TPTE: variants seen among roughly 807,000 people sequenced by gnomAD.
TPTE encodes transmembrane phosphatase with tensin homology.
A neutral mutation model predicts 84.1 loss-of-function variants in TPTE; 59 were observed. That is an observed-to-expected ratio of 0.70 (90% CI 0.57 to 0.87). The LOEUF is 0.87. Among genes scored for constraint, TPTE ranks in the 40% least tolerant of loss-of-function variants. The pLI, the probability that TPTE is intolerant of heterozygous loss-of-function variation, is 0.00. For missense variants in TPTE, 382 were observed against 659.6 expected, an observed-to-expected ratio of 0.58 and a Z score of 4.61; for synonymous variants, 130 against 223.5, an observed-to-expected ratio of 0.58 and a Z score of 3.73.
chr21:10,576,114 A>T (rs1453348185), intron 14 of TPTE, among the ~76,000 whole-genome samples: 7 of 152,412 alleles, frequency 4.6e-5, no homozygotes, highest in African/African-American at 1.7e-4. Flanking sequence ...TCTTATAAAA[A>T]TACATGCATG....
At chr21:10,572,840 A>T (rs1398423989) in intron 14 of TPTE, among the ~76,000 whole-genome samples, 1 of 152,304 alleles carries the variant, frequency 6.6e-6, no homozygotes, top group Admixed American at 6.5e-5. Flanking sequence ...AGATATACAC[A>T]TGAGAAAGAG....
At chr21:10,536,334 C>T (rs1202137718) in intron 3 of TPTE, among the ~76,000 whole-genome samples, 1 of 152,306 alleles carries the variant, frequency 6.6e-6, no homozygotes, top group Non-Finnish European at 1.5e-5. Context: ...TAAATGTCAA[C>T]CAGATAGTAC....
chr21:10,566,977 CA>C (rs141155041), intron 10 of TPTE, among the ~76,000 whole-genome samples: 1,870 of 125,708 alleles, frequency 0.015, no homozygotes, highest in East Asian at 0.041. Context: ...AACTCCATCT[CA>C]AAAAAAAAAA....
chr21:10,554,099 AT>A (rs1182611278), intron 8 of TPTE, among the ~76,000 whole-genome samples: 3 of 152,290 alleles, frequency 2.0e-5, no homozygotes, highest in Non-Finnish European at 4.4e-5. Context: ...GACCATACTT[AT>A]TCTTTTGTAA....
chr21:10,586,252 T>G (rs2145757617), intron 17 of TPTE, among the ~76,000 whole-genome samples: 1 of 152,422 alleles, frequency 6.6e-6, no homozygotes, highest in African/African-American at 2.4e-5. Context: ...ATTTTTATTT[T>G]TAGTGTTTTT....
At chr21:10,596,844 T>A (rs56009895) in intron 20 of TPTE, among the ~76,000 whole-genome samples, 1,678 of 93,194 alleles carry the variant, frequency 0.018, no homozygotes, top group Middle Eastern at 0.079. Context: ...GTTCTACATT[T>A]CACTGATTTC....
intron 7 of TPTE, among the ~76,000 whole-genome samples, chr21:10,552,031 C>G (rs2145648057): frequency 6.6e-6 from 1 of 152,426 alleles, no homozygotes; most frequent in Non-Finnish European, 1.5e-5. Flanking sequence ...AAGAAATTGT[C>G]TCAGCCACTC....
chr21:10,548,167 A>G (rs1221343525), intron 7 of TPTE, among the ~76,000 whole-genome samples: 3 of 152,300 alleles, frequency 2.0e-5, no homozygotes, highest in African/African-American at 7.2e-5. Flanking sequence ...GCAACTGTGT[A>G]TGCCCAAGTC....
At chr21:10,548,311 A>G (rs1187019635) in intron 7 of TPTE, among the ~76,000 whole-genome samples, 5 of 152,424 alleles carry the variant, frequency 3.3e-5, no homozygotes, top group South Asian at 4.1e-4. Flanking sequence ...CAGCTGTGCA[A>G]CCTTGGGTGA....
chr21:10,538,205 A>T (rs1220291646), intron 3 of TPTE, among the ~76,000 whole-genome samples: 1 of 152,310 alleles, frequency 6.6e-6, no homozygotes, highest in Non-Finnish European at 1.5e-5. Flanking sequence ...CTCTGCCACA[A>T]TACAGGGTGG....
intron 7 of TPTE, among the ~76,000 whole-genome samples, chr21:10,548,484 A>G (rs1333792475): frequency 6.6e-6 from 1 of 152,310 alleles, no homozygotes; most frequent in African/African-American, 2.4e-5. Flanking sequence ...ATCCTGGCTC[A>G]CAGAAGTAGT....
intron 3 of TPTE, among the ~76,000 whole-genome samples, chr21:10,536,345 A>G (rs1291454286): frequency 1.3e-5 from 2 of 152,428 alleles, no homozygotes; most frequent in African/African-American, 2.4e-5. Context: ...CAGATAGTAC[A>G]TTGTAGAGTA....
At chr21:10,597,412 CTTTTTTT>C (rs146272836) in intron 20 of TPTE, among the ~76,000 whole-genome samples, 16 of 139,894 alleles carry the variant, frequency 1.1e-4, no homozygotes, top group East Asian at 4.2e-4. Context: ...TTTCTTTTTT[CTTTTTTT>C]TTTTTTTTTT....
intron 8 of TPTE, among the ~76,000 whole-genome samples, chr21:10,553,756 C>G (rs2074625539): frequency 6.6e-6 from 1 of 152,312 alleles, no homozygotes; most frequent in African/African-American, 2.4e-5. Context: ...TTGCCTTTGG[C>G]ATCATATATT....
intron 2 of TPTE, among the ~76,000 whole-genome samples, chr21:10,524,915 C>T (rs12165275): frequency 3.3e-5 from 5 of 152,294 alleles, no homozygotes; most frequent in Non-Finnish European, 5.9e-5. Context: ...AAAAATAATT[C>T]GATAGAAAAA....
Position 10,524,034 on chromosome 21 carries a change from G to T in TPTE, c.-210-546G>T, listed in dbSNP as rs1422048316. Among the ~76,000 whole-genome samples the T allele has an allele frequency of 2.0e-5, 3 of 152,306 alleles. No homozygotes were observed. The East Asian group carries it at 5.8e-4, about 29-fold the overall frequency. ...TTAAGTCTGTGCAGTCTTGGGCCAAGCTCGTTCTATTCCCCATTCTACAAG... is the reference window on the plus strand; with the variant it reads ...TTAAGTCTGTGCAGTCTTGGGCCAATCTCGTTCTATTCCCCATTCTACAAG... On this transcript the variant is annotated intron_variant, in intron 1 of 23. Coordinates refer to ENST00000618007, the MANE Select transcript of TPTE (RefSeq NM_199261.4).
At chr21:10,569,257 T>C (rs1448820705) in intron 11 of TPTE, among the ~76,000 whole-genome samples, 180 bp from the exon 12 acceptor site, 1 of 152,302 alleles carries the variant, frequency 6.6e-6, no homozygotes, top group African/African-American at 2.4e-5. Context: ...CACACACACA[T>C]GCACGCACGC....
chr21:10,593,151 C>G (rs1169142999), intron 19 of TPTE, among the ~76,000 whole-genome samples: 8 of 152,418 alleles, frequency 5.2e-5, no homozygotes, highest in Non-Finnish European at 8.8e-5. Context: ...CTCACACCCC[C>G]CAACCCCACT....
intron 14 of TPTE, among the ~76,000 whole-genome samples, chr21:10,573,682 A>G (rs1407484301): frequency 1.3e-5 from 2 of 152,424 alleles, no homozygotes; most frequent in East Asian, 3.8e-4. Flanking sequence ...TCTCTACCTT[A>G]TAAATATGAA....
Sources: gnomAD v4.1 joint callset for allele counts (sites outside exome capture counted in the v4.1 genomes callset) on GRCh38, gnomAD v4.1.1 for gene constraint, MANE v1.5 for transcripts, NCBI Gene and HGNC (gene_info 2026-07-23, HGNC 2026-07-21) for gene names.